Variants in GPC5 observed in about 807,000 individuals in gnomAD.
The protein encoded by GPC5 is glypican-5.
A neutral mutation model predicts 53.9 loss-of-function variants in GPC5; 47 were observed. The ratio of observed to expected loss-of-function variants is 0.87; its 90% CI spans 0.69 to 1.11. The LOEUF is 1.11. GPC5 is among the 50% of genes most tolerant of loss of function. GPC5 has a pLI of 0.00. For missense variants in GPC5, 748 were observed against 713.1 expected, an observed-to-expected ratio of 1.05 and a Z score of -0.56; for synonymous variants, 286 against 263.3, an observed-to-expected ratio of 1.09 and a Z score of -0.84.
intron 5 of GPC5, among the ~76,000 whole-genome samples, chr13:91,829,017 A>G (rs1476194919): frequency 1.3e-5 from 2 of 152,078 alleles, no homozygotes. Context: ...TTTATTAATT[A>G]CCAAAAGAGA....
intron 7 of GPC5, among the ~76,000 whole-genome samples, chr13:92,250,268 G>A (rs143885228): frequency 9.9e-4 from 150 of 152,220 alleles, no homozygotes; most frequent in Middle Eastern, 3.4e-3. Context: ...AGGTTCATAC[G>A]TATGGTTTTA....
intron 2 of GPC5, among the ~76,000 whole-genome samples, chr13:91,585,122 A>G (rs1040925183): frequency 6.6e-6 from 1 of 152,214 alleles, no homozygotes; most frequent in African/African-American, 2.4e-5. Flanking sequence ...GTATCAGAGA[A>G]ATGCAAATTA....
chr13:92,385,820 TA>T (rs1874689527), intron 7 of GPC5, among the ~76,000 whole-genome samples: 3 of 139,892 alleles, frequency 2.1e-5, no homozygotes, highest in Admixed American at 7.1e-5. Flanking sequence ...TATACACGTG[TA>T]TATATATATA....
chr13:92,712,014 C>A, intron 7 of GPC5, among the ~76,000 whole-genome samples: 1 of 150,372 alleles, frequency 6.7e-6, no homozygotes, highest in East Asian at 2.0e-4. Context: ...AAAAGAAGAG[C>A]CAAATAAACC....
At chr13:92,017,964 T>C (rs112343608) in intron 6 of GPC5, among the ~76,000 whole-genome samples, 3 of 149,064 alleles carry the variant, frequency 2.0e-5, no homozygotes, top group Non-Finnish European at 4.5e-5. Context: ...CACGAGTACA[T>C]ACACGTGCAG....
intron 7 of GPC5, among the ~76,000 whole-genome samples, chr13:92,820,124 C>T (rs10467334): frequency 0.097 from 14,721 of 152,102 alleles, 1,277 homozygotes; most frequent in African/African-American, 0.23. Flanking sequence ...GACAAACCAG[C>T]GTATCCAACT....
intron 4 of GPC5, among the ~76,000 whole-genome samples, chr13:91,731,697 A>C (rs1566645142): frequency 6.6e-6 from 1 of 151,756 alleles, no homozygotes; most frequent in East Asian, 1.9e-4. Flanking sequence ...CCCCACCCCG[A>C]CTGGCCCTGC....
At chr13:92,156,486 T>C (rs1201057600) in intron 7 of GPC5, among the ~76,000 whole-genome samples, 2 of 152,160 alleles carry the variant, frequency 1.3e-5, no homozygotes, top group Admixed American at 1.3e-4. Flanking sequence ...CACATGCTGA[T>C]AGTGTGTAGA....
At chr13:92,292,446 T>G (rs1054578070) in intron 7 of GPC5, among the ~76,000 whole-genome samples, 25 of 152,244 alleles carry the variant, frequency 1.6e-4, no homozygotes, top group African/African-American at 5.8e-4. Context: ...TGCGCATTTT[T>G]TCTTACATTT....
chr13:92,617,541 C>A (rs1411401741), intron 7 of GPC5, among the ~76,000 whole-genome samples: 4 of 152,082 alleles, frequency 2.6e-5, no homozygotes, highest in African/African-American at 9.7e-5. Flanking sequence ...AATTTCTTAC[C>A]TGAGTCTCTT....
intron 7 of GPC5, among the ~76,000 whole-genome samples, chr13:92,508,228 C>G (rs1439719496): frequency 6.6e-6 from 1 of 152,136 alleles, no homozygotes; most frequent in Non-Finnish European, 1.5e-5. Context: ...TCCCAAAGTC[C>G]TGGGATACCA....
At chr13:91,562,622 T>TG (rs956602224) in intron 2 of GPC5, among the ~76,000 whole-genome samples, 1 of 149,362 alleles carries the variant, frequency 6.7e-6, no homozygotes, top group Non-Finnish European at 1.5e-5. Context: ...CCTGGCTATT[T>TG]TTTTTTTTTT....
intron 5 of GPC5, among the ~76,000 whole-genome samples, chr13:91,806,757 T>C (rs996293108): frequency 1.3e-5 from 2 of 152,094 alleles, no homozygotes; most frequent in Admixed American, 6.6e-5. Context: ...AGTATATTAG[T>C]GAGAGTGGGA....
intron 7 of GPC5, among the ~76,000 whole-genome samples, chr13:92,457,601 A>C (rs1052593424): frequency 6.6e-6 from 1 of 152,304 alleles, no homozygotes; most frequent in South Asian, 2.1e-4. Flanking sequence ...TAATTATAGG[A>C]TGAATTCCAA....
At chr13:91,501,143 T>A (rs1467806688) in intron 2 of GPC5, among the ~76,000 whole-genome samples, 1 of 152,020 alleles carries the variant, frequency 6.6e-6, no homozygotes. Flanking sequence ...CCTCTTCACA[T>A]CAGTGCACCA....
chr13:91,697,666 T>C (rs1488386244), intron 3 of GPC5, among the ~76,000 whole-genome samples: 4 of 152,126 alleles, frequency 2.6e-5, no homozygotes, highest in African/African-American at 9.7e-5. Flanking sequence ...CTCTTGTTAA[T>C]AAATTATTAA....
intron 6 of GPC5, among the ~76,000 whole-genome samples, chr13:91,941,692 A>G (rs867261076): frequency 6.6e-6 from 1 of 152,156 alleles, no homozygotes; most frequent in South Asian, 2.1e-4. Flanking sequence ...ACTGTCTACT[A>G]CCTAGCTCAA....
At chr13:92,332,620 C>T (rs1260410906) in intron 7 of GPC5, among the ~76,000 whole-genome samples, 1 of 152,116 alleles carries the variant, frequency 6.6e-6, no homozygotes, top group Non-Finnish European at 1.5e-5. Context: ...ACTATTAATG[C>T]TGTTAATATA....
chr13:92,658,926 T>G (rs1198823537), intron 7 of GPC5: 53 of 75,412 alleles, frequency 7.0e-4, no homozygotes, highest in Non-Finnish European at 1.4e-3. Context: ...TATGTTTTGT[T>G]TTTTTTTTTT....
Sources: gnomAD v4.1 joint callset for allele counts (sites outside exome capture counted in the v4.1 genomes callset) on GRCh38, gnomAD v4.1.1 for gene constraint, MANE v1.5 for transcripts, NCBI Gene and HGNC (gene_info 2026-07-23, HGNC 2026-07-21) for gene names.